TGFBR1: variants seen among roughly 807,000 people sequenced by gnomAD.
The protein encoded by TGFBR1 is transforming growth factor beta receptor 1, also known as TGF-beta receptor type-1.
TGFBR1 carries 20 observed loss-of-function variants against 55.1 expected under a neutral mutation model. The observed-to-expected ratio is 0.36, with a 90% CI of 0.26 to 0.53. TGFBR1 has a LOEUF of 0.53. Ranked by LOEUF, TGFBR1 falls within the 20% of genes least tolerant of loss-of-function variation. The pLI, the probability that TGFBR1 is intolerant of heterozygous loss-of-function variation, is 0.91. For missense variants in TGFBR1, 385 were observed against 617.6 expected, an observed-to-expected ratio of 0.62 and a Z score of 3.99; for synonymous variants, 220 against 214.8, an observed-to-expected ratio of 1.02 and a Z score of -0.21.
intron 1 of TGFBR1, among the ~76,000 whole-genome samples, chr9:99,114,572 ATCTT>A (rs1437157495): frequency 6.6e-6 from 1 of 152,212 alleles, no homozygotes; most frequent in Non-Finnish European, 1.5e-5. Flanking sequence ...TGCTGCCTCC[ATCTT>A]TCTTCTCCAG....
At chr9:99,104,612 A>G (rs1826343637), upstream of TGFBR1, among the ~76,000 whole-genome samples, 1 of 151,890 alleles carries the variant, frequency 6.6e-6, no homozygotes, top group Non-Finnish European at 1.5e-5. Flanking sequence ...AAGTGGATGC[A>G]GGGGCCTGGC....
At chr9:99,104,401 G>A (rs887590633), upstream of TGFBR1, among the ~76,000 whole-genome samples, 3 of 152,212 alleles carry the variant, frequency 2.0e-5, no homozygotes, top group African/African-American at 7.2e-5. Flanking sequence ...AGGCTATTTG[G>A]GGGTGTGTTT....
At chr9:99,128,048 A>G (rs1247196375) in intron 1 of TGFBR1, 3 of 455,694 alleles carry the variant, frequency 6.6e-6, no homozygotes, top group Non-Finnish European at 1.3e-5. Context: ...ATCAGAGAGC[A>G]TGGTTGAAGG....
chr9:99,139,870 T>G (rs1827556152), intron 4 of TGFBR1, among the ~76,000 whole-genome samples: 1 of 152,232 alleles, frequency 6.6e-6, no homozygotes, highest in African/African-American at 2.4e-5. Flanking sequence ...GAAATTGGAT[T>G]GTTTATCCTG....
In TGFBR1 at chr9:99,137,308, C is replaced by T. The variant is rs531352955; in HGVS notation, c.575-551C>T. 3.9e-5 allele frequency among the ~76,000 whole-genome samples: 6 copies of T among 152,284 alleles called. No individual in the cohort carries two copies. In the East Asian group the frequency reaches 9.6e-4, roughly 24 times the overall value. On this transcript the variant is annotated intron_variant, in intron 3 of 8. Coordinates refer to ENST00000374994, the MANE Select transcript of TGFBR1 (RefSeq NM_004612.4). ...TTTCCTCCCATCAGTGAAACTGTTA[C>T]GAGATTCATCTTTCTAAAATAAGAT...
intron 2 of TGFBR1, among the ~76,000 whole-genome samples, chr9:99,130,055 A>T (rs567189256): frequency 6.6e-6 from 1 of 152,362 alleles, no homozygotes; most frequent in Non-Finnish European, 1.5e-5. Flanking sequence ...AAAGGAATAT[A>T]AAAATGAGGG....
At chr9:99,105,908 G>A (rs1367614372) in intron 1 of TGFBR1, among the ~76,000 whole-genome samples, 4 of 152,234 alleles carry the variant, frequency 2.6e-5, no homozygotes, top group African/African-American at 9.6e-5. Context: ...CTCCCGCCCG[G>A]CTCGACCCGA....
At chr9:99,146,440 A>G in intron 6 of TGFBR1, 45 bp from the exon 7 acceptor site, 2 of 1,612,600 alleles carry the variant, frequency 1.2e-6, no homozygotes, top group South Asian at 2.2e-5. Context: ...CAAATATGGC[A>G]GTAAGGGGAT....
At position 99,129,130 on chromosome 9, in the gene TGFBR1, A is replaced by G. The variant is rs1255559746; in HGVS notation, c.343+30A>G. 3 of 1,609,350 alleles carry G rather than the reference A, an allele frequency of 1.9e-6. No homozygotes were observed. In the South Asian group the frequency reaches 3.3e-5, roughly 18 times the overall value. On this transcript the variant is annotated intron_variant, in intron 2 of 8. Transcript: ENST00000374994. ...GTTGTATAAAATTTTTTTCCTAGAT[A>G]CTACAAGAAAAACTCTTCATACTCT...
upstream of TGFBR1, chr9:99,105,101 C>T (rs1446737889): frequency 4.3e-6 from 4 of 922,810 alleles, no homozygotes; most frequent in Non-Finnish European, 5.3e-6. Flanking sequence ...AGGGCCGGAG[C>T]GAGGCCGCCG....
chr9:99,121,694 G>A (rs1826903401), intron 1 of TGFBR1, among the ~76,000 whole-genome samples: 1 of 152,100 alleles, frequency 6.6e-6, no homozygotes, highest in Non-Finnish European at 1.5e-5. Context: ...GTGCATGTTA[G>A]GTCTTTTACT....
intron 1 of TGFBR1, among the ~76,000 whole-genome samples, chr9:99,111,127 A>C (rs1826556722): frequency 6.6e-6 from 1 of 152,148 alleles, no homozygotes; most frequent in Admixed American, 6.5e-5. Context: ...CTTCCTGACG[A>C]GTCCAGTGAT....
chr9:99,152,446 G>A lies in TGFBR1; in HGVS notation c.*3141G>A, dbSNP rs199540214. On this transcript the variant is annotated 3_prime_UTR_variant, in exon 9 of 9. Transcript: ENST00000374994. ...TGCTCAAGAAGTGCCTTGAGTTGGT[G>A]TACAGTGCCATGGCCATCAAGAATC... The A allele has an allele frequency of 2.2e-5, 5 of 229,898 alleles. No individual in the cohort carries two copies. Among genetic ancestry groups the A allele is most frequent in the African/African-American group, 1.1e-4 (5 of 45,134 alleles). 14.2% of individuals were successfully genotyped at this position (229,898 alleles called of 1,614,324 possible).
rs371001889 is a variant in TGFBR1 at position 99,111,060 on chromosome 9, A to G, written c.97+5758A>G. Among the ~76,000 whole-genome samples, 41 of 152,346 alleles carry G rather than the reference A, an allele frequency of 2.7e-4. 1 individual carries two copies. Among genetic ancestry groups the G allele is most frequent in the Admixed American group, 1.0e-3 (16 of 15,302 alleles). ...AGTTTTACTATTTCTTTGCAACTGC[A>G]GGCCATTCAGATACTAACAGTCTTT... On this transcript the variant is annotated intron_variant, in intron 1 of 8. Transcript: ENST00000374994.
intron 1 of TGFBR1, chr9:99,128,577 C>A: frequency 4.2e-6 from 2 of 478,612 alleles, no homozygotes; most frequent in Non-Finnish European, 7.8e-6. Context: ...TGAAATTGAA[C>A]ATAACAAAAT....
chr9:99,143,189 G>C (rs1432127428), intron 5 of TGFBR1, among the ~76,000 whole-genome samples: 1 of 152,216 alleles, frequency 6.6e-6, no homozygotes, highest in Admixed American at 6.5e-5. Context: ...AATTTGTTTA[G>C]AGATTCTCTA....
rs200173366 is a variant in TGFBR1, at chr9:99,153,085, G to A, written c.*3780G>A. The A allele has an allele frequency of 4.4e-6, 1 of 227,232 alleles. No homozygotes were observed. The highest frequency in any genetic ancestry group is 2.2e-5 in the African/African-American group (1 of 44,982). 14.1% of individuals were successfully genotyped at this position (227,232 alleles called of 1,614,324 possible). A position where few individuals can be genotyped will look rare whatever the true frequency, so the allele number is the denominator to read the frequency against. On this transcript the variant is annotated 3_prime_UTR_variant, in exon 9 of 9. Transcript: ENST00000374994. The stretch of plus-strand genomic sequence containing the variant: ...CCATGTTTTGATACCCCTTTTTCAC[G>A]TTGTGCCAACGGAATAGGGTGTTTG...
At chr9:99,146,928 T>C (rs996279187) in intron 7 of TGFBR1, among the ~76,000 whole-genome samples, 1 of 152,216 alleles carries the variant, frequency 6.6e-6, no homozygotes, top group Admixed American at 6.5e-5. Flanking sequence ...GGAAGCTGTT[T>C]CTAGCATGTA....
rs1157773590 is a variant in TGFBR1 at position 99,149,248 on chromosome 9, A to C, written c.1455A>C (p.Ala485=). 6.2e-7 allele frequency: 1 copy of C among 1,613,904 alleles called. No individual in the cohort carries two copies. The highest frequency in any genetic ancestry group is 2.2e-5 in the East Asian group (1 of 44,874). Residue 485 remains alanine (A), a synonymous_variant, in exon 9 of 9, where the codon GCA becomes GCC. Transcript: ENST00000374994. ...CCAATGGAGCAGCTAGGCTTACAGC[A>C]TTGCGGATTAAGAAAACATTATCGC... ...WYANGAARLT[A]LRIKKTLSQL... is the part of the protein sequence containing the mutation.
Sources: gnomAD v4.1 joint callset for allele counts (sites outside exome capture counted in the v4.1 genomes callset) on GRCh38, gnomAD v4.1.1 for gene constraint, MANE v1.5 for transcripts, NCBI Gene and HGNC (gene_info 2026-07-23, HGNC 2026-07-21) for gene names.